Variants in SORBS2 observed in about 807,000 individuals in gnomAD.
SORBS2 encodes sorbin and SH3 domain-containing protein 2.
In SORBS2, 46 loss-of-function variants were observed where a neutral mutation model predicts 97.7. That is an observed-to-expected ratio of 0.47 (90% CI 0.37 to 0.60). The LOEUF (loss-of-function observed/expected upper bound fraction) is 0.60, where lower values mean the gene tolerates loss of function less well. Among genes scored for constraint, SORBS2 ranks in the 20% least tolerant of loss-of-function variants. The pLI, the probability that SORBS2 is intolerant of heterozygous loss-of-function variation, is 0.00. For synonymous variants in SORBS2, 476 were observed against 473.4 expected, an observed-to-expected ratio of 1.01 and a Z score of -0.07; for missense variants, 1,316 against 1,282.3, an observed-to-expected ratio of 1.03 and a Z score of -0.40.
upstream of SORBS2, among the ~76,000 whole-genome samples, chr4:185,658,986 G>A (rs565662018): frequency 3.2e-4 from 49 of 152,234 alleles, no homozygotes; most frequent in African/African-American, 1.1e-3. Flanking sequence ...GATTACAGGC[G>A]TGAGCCACCG....
chr4:185,786,691 G>T (rs759103521), intron 1 of SORBS2, among the ~76,000 whole-genome samples: 1 of 152,206 alleles, frequency 6.6e-6, no homozygotes, highest in Non-Finnish European at 1.5e-5. Flanking sequence ...GCTGGGCATC[G>T]TGGCTCACGC....
At chr4:185,616,586 T>A (rs1342070021) in intron 9 of SORBS2, among the ~76,000 whole-genome samples, 1 of 151,586 alleles carries the variant, frequency 6.6e-6, no homozygotes, top group Admixed American at 6.7e-5. Context: ...GCAACCAATT[T>A]TTCAAAGCTA....
intron 1 of SORBS2, among the ~76,000 whole-genome samples, chr4:185,922,046 C>T (rs1355200383): frequency 1.3e-5 from 2 of 152,188 alleles, no homozygotes; most frequent in East Asian, 3.9e-4. Flanking sequence ...ATTTGGTTAT[C>T]AACATAGTCC....
At chr4:185,869,968 A>C (rs1279419121) in intron 1 of SORBS2, among the ~76,000 whole-genome samples, 4 of 152,234 alleles carry the variant, frequency 2.6e-5, no homozygotes, top group Admixed American at 6.5e-5. Context: ...TCTTTTATGT[A>C]TATAAGTTTA....
At chr4:185,708,258 C>T (rs1566348) in intron 2 of SORBS2, among the ~76,000 whole-genome samples, 3 of 152,298 alleles carry the variant, frequency 2.0e-5, no homozygotes, top group South Asian at 2.1e-4. Context: ...TTAAGCATGT[C>T]ATTCCTTAAG....
chr4:185,773,691 G>T (rs1313105932), intron 2 of SORBS2: 2 of 152,198 alleles, frequency 1.3e-5, no homozygotes, highest in African/African-American at 4.8e-5. Context: ...CGCAGGGACC[G>T]TTTGCCAGGG....
At chr4:185,717,564 A>G (rs2098476419) in intron 2 of SORBS2, among the ~76,000 whole-genome samples, 1 of 152,202 alleles carries the variant, frequency 6.6e-6, no homozygotes. Context: ...TGTGGTTTAA[A>G]AGCAGGGCTT....
intron 2 of SORBS2, chr4:185,740,019 T>C (rs2153583251): frequency 6.5e-6 from 1 of 152,776 alleles, no homozygotes; most frequent in African/African-American, 2.4e-5. Flanking sequence ...GAGCCGGGTC[T>C]CCCATGGTAA....
At chr4:185,593,662 T>C (rs957338321) in intron 13 of SORBS2, 15 of 516,382 alleles carry the variant, frequency 2.9e-5, no homozygotes, top group South Asian at 1.0e-4. Context: ...GTTTTCCTAG[T>C]GTGTCAATTA....
At chr4:185,633,090 T>C (rs1387799607) in intron 4 of SORBS2, among the ~76,000 whole-genome samples, 1 of 152,216 alleles carries the variant, frequency 6.6e-6, no homozygotes, top group African/African-American at 2.4e-5. Context: ...GAAGTACAGA[T>C]ACTGAATCAC....
At chr4:185,942,988 T>A (rs2099272848) in intron 1 of SORBS2, among the ~76,000 whole-genome samples, 1 of 152,232 alleles carries the variant, frequency 6.6e-6, no homozygotes, top group South Asian at 2.1e-4. Flanking sequence ...AATTAGGATA[T>A]GAGAAAATAA....
intron 1 of SORBS2, among the ~76,000 whole-genome samples, chr4:185,945,791 G>C (rs1427999936): frequency 2.0e-5 from 3 of 152,180 alleles, no homozygotes; most frequent in African/African-American, 7.2e-5. Context: ...CTTGCTGTGA[G>C]ATGTGCCATG....
At chr4:185,624,902 C>G (rs726466) in intron 6 of SORBS2, among the ~76,000 whole-genome samples, 47,644 of 152,102 alleles carry the variant, frequency 0.31, 8,408 homozygotes, top group South Asian at 0.52. Flanking sequence ...TATACCCTTA[C>G]GCAATTTAAT....
At chr4:185,805,367 A>G (rs908668359) in intron 1 of SORBS2, among the ~76,000 whole-genome samples, 12 of 152,182 alleles carry the variant, frequency 7.9e-5, no homozygotes, top group African/African-American at 2.9e-4. Context: ...GCACTTTCTA[A>G]TCATGTGTTG....
chr4:185,944,557 G>A (rs1210991504), intron 1 of SORBS2, among the ~76,000 whole-genome samples: 16 of 152,188 alleles, frequency 1.1e-4, no homozygotes. Context: ...CCCTTTTGAT[G>A]CATTGACACT....
chr4:185,952,696 C>T (rs768334762), intron 1 of SORBS2, among the ~76,000 whole-genome samples: 16 of 152,128 alleles, frequency 1.1e-4, no homozygotes, highest in African/African-American at 3.6e-4. Flanking sequence ...ATGCCGACAG[C>T]GTTAATTTTG....
At chr4:185,761,278 C>T (rs1412317720) in intron 2 of SORBS2, among the ~76,000 whole-genome samples, 2 of 152,184 alleles carry the variant, frequency 1.3e-5, no homozygotes, top group Non-Finnish European at 2.9e-5. Context: ...AAAATCTGTA[C>T]CGAAAGCTTA....
rs577843286 is a variant in SORBS2, at chr4:185,832,870, A to C, written c.-337-57504T>G. Among the ~76,000 whole-genome samples, 3 of 152,330 alleles carry C rather than the reference A, an allele frequency of 2.0e-5. No individual in the cohort carries two copies. In the South Asian group the frequency reaches 6.2e-4, roughly 32 times the overall value. On this transcript the variant is annotated intron_variant, in intron 1 of 20. Coordinates refer to the SORBS2 transcript ENST00000284776. ...ATAGGTTGGAGACCGTTTCTGAACAAGATAAAACTATCATTCATGATTAGT... is the reference window on the plus strand; with the variant it reads ...ATAGGTTGGAGACCGTTTCTGAACACGATAAAACTATCATTCATGATTAGT...
rs1220769106 is a variant in SORBS2 at position 185,684,005 on chromosome 4, A to ACCAG, written c.-197-5187_-197-5184dup. On this transcript the variant is annotated intron_variant, in intron 2 of 20. Coordinates refer to the SORBS2 transcript ENST00000284776. This position sits in a 1 kb window ranked among gnomAD's most constrained non-coding sequence, Gnocchi z 4.2. ...GCAGTCCCCAAACTGCAGCTAACCA[A>ACCAG]CCAGCCAACCAACCAACCAACCCAC... 1.4e-5 allele frequency among the ~76,000 whole-genome samples: 2 copies of ACCAG among 147,704 alleles called. No homozygotes were observed. Among genetic ancestry groups the ACCAG allele is most frequent in the East Asian group, 4.1e-4 (2 of 4,830 alleles).
Sources: allele counts gnomAD v4.1 joint callset (sites outside exome capture counted in the v4.1 genomes callset), GRCh38; gene constraint gnomAD v4.1.1; non-coding constraint Gnocchi (gnomAD v3.1); transcripts MANE v1.5; gene names NCBI Gene and HGNC (gene_info 2026-07-23, HGNC 2026-07-21).